AUTS2: variants seen among roughly 807,000 people sequenced by gnomAD.
AUTS2 encodes the protein autism susceptibility gene 2 protein.
In AUTS2, 17 loss-of-function variants were observed where a neutral mutation model predicts 112.4. The observed-to-expected ratio is 0.15, with a 90% CI of 0.10 to 0.23. The LOEUF (loss-of-function observed/expected upper bound fraction) is 0.23. Ranked by LOEUF, AUTS2 falls within the 10% of genes least tolerant of loss-of-function variation. The pLI, the probability that AUTS2 is intolerant of heterozygous loss-of-function variation, is 1.00. For synonymous variants in AUTS2, 751 were observed against 702.7 expected, an observed-to-expected ratio of 1.07 and a Z score of -1.09; for missense variants, 1,510 against 1,701.6, an observed-to-expected ratio of 0.89 and a Z score of 1.98.
At chr7:69,655,832 A>G (rs1795505143) in intron 1 of AUTS2, among the ~76,000 whole-genome samples, 1 of 152,126 alleles carries the variant, frequency 6.6e-6, no homozygotes, top group African/African-American at 2.4e-5. Flanking sequence ...GTAGCTTGTT[A>G]CTAGCCTTTC....
In AUTS2 at chr7:70,790,069, T is replaced by C; in HGVS notation, c.2853T>C (p.Ser951=). 2 of 1,575,826 alleles carry C rather than the reference T, an allele frequency of 1.3e-6. No individual in the cohort carries two copies. Among genetic ancestry groups the C allele is most frequent in the East Asian group, 2.4e-5 (1 of 42,506 alleles). Residue 951 remains serine, a synonymous_variant, in exon 19 of 19, where the codon AGT becomes AGC. Transcript: ENST00000342771. This position sits in a 1 kb window ranked among gnomAD's most constrained non-coding sequence, Gnocchi z 7.6. ...SPYVRTPVVE[S]ARPNSTSSRE... Reference sequence around the variant, plus strand: ...ACGTGCGGACCCCGGTGGTGGAGAGTGCCAGGCCCAACAGCACCTCGAGCC... The same window carrying C: ...ACGTGCGGACCCCGGTGGTGGAGAGCGCCAGGCCCAACAGCACCTCGAGCC...
At chr7:70,548,360 A>G (rs2129517266) in intron 5 of AUTS2, among the ~76,000 whole-genome samples, 1 of 152,216 alleles carries the variant, frequency 6.6e-6, no homozygotes, top group Non-Finnish European at 1.5e-5. Context: ...TCTCCCAGTC[A>G]GTGGCTTGAC....
At chr7:70,196,900 C>G (rs1021944560) in intron 4 of AUTS2, among the ~76,000 whole-genome samples, 1 of 152,142 alleles carries the variant, frequency 6.6e-6, no homozygotes, top group Non-Finnish European at 1.5e-5. Context: ...TTGTTGTTCT[C>G]TCTTAAGAAA....
chr7:70,741,622 C>T (rs1272166807), intron 6 of AUTS2, among the ~76,000 whole-genome samples: 3 of 149,344 alleles, frequency 2.0e-5, no homozygotes, highest in African/African-American at 7.4e-5. Context: ...ACCCGGGAGG[C>T]GGAGGTTGAG....
chr7:69,720,765 T>C (rs1798889406), intron 1 of AUTS2, among the ~76,000 whole-genome samples: 1 of 152,312 alleles, frequency 6.6e-6, no homozygotes, highest in African/African-American at 2.4e-5. Context: ...CAGCTTCTGC[T>C]GTTATTACGG....
At chr7:70,459,225 G>A (rs2131174420) in intron 5 of AUTS2, among the ~76,000 whole-genome samples, 1 of 152,166 alleles carries the variant, frequency 6.6e-6, no homozygotes, top group East Asian at 1.9e-4. Context: ...ACTAGATTCT[G>A]TGGGAACAGA....
At chr7:70,229,033 A>G (rs1811913844) in intron 4 of AUTS2, among the ~76,000 whole-genome samples, 1 of 151,738 alleles carries the variant, frequency 6.6e-6, no homozygotes, top group Non-Finnish European at 1.5e-5. Flanking sequence ...ATATATATTA[A>G]TCTTTCTATA....
chr7:69,723,869 A>T (rs940643517), intron 1 of AUTS2, among the ~76,000 whole-genome samples: 1 of 152,214 alleles, frequency 6.6e-6, no homozygotes, highest in African/African-American at 2.4e-5. Context: ...GAGTAGTCTT[A>T]GTCTGCCTCC....
At chr7:70,474,842 T>C (rs1485188775) in intron 5 of AUTS2, among the ~76,000 whole-genome samples, 1 of 152,224 alleles carries the variant, frequency 6.6e-6, no homozygotes, top group Non-Finnish European at 1.5e-5. Context: ...AAGCACTTTA[T>C]GACGGAAGCT....
At position 70,766,117 on chromosome 7, in the gene AUTS2, A is replaced by G; in HGVS notation, c.1472A>G (p.Gln491Arg). The change falls in exon 9 of 19, where the codon CAA (glutamine) becomes CGA (arginine). Residue 491 changes from glutamine (Q) to arginine (R), a missense_variant. By Grantham distance (43) the Gln-to-Arg change is conservative. Transcript: ENST00000342771. The surrounding 1 kb of genome is among the most constrained non-coding windows in gnomAD (Gnocchi z 4.8). Reference protein sequence around the residue: ...GHPAGSTYSEQDILRQELNTR... With the variant: ...GHPAGSTYSERDILRQELNTR... Reference sequence around the variant, plus strand: ...TCTCCCTCTTCTTCTCTTCCAGAGCAAGACATCTTGCGACAGGAACTGAAC... The same window carrying G: ...TCTCCCTCTTCTTCTCTTCCAGAGCGAGACATCTTGCGACAGGAACTGAAC... The G allele has an allele frequency of 1.9e-6, 3 of 1,612,786 alleles. 1 individual carries two copies. The South Asian group carries it at 3.3e-5, about 18-fold the overall frequency.
At chr7:69,760,580 T>G (rs563577342) in intron 1 of AUTS2, among the ~76,000 whole-genome samples, 1 of 152,084 alleles carries the variant, frequency 6.6e-6, no homozygotes, top group Non-Finnish European at 1.5e-5. Context: ...TCCTAGCACT[T>G]TGGGAGGCCA....
intron 5 of AUTS2, among the ~76,000 whole-genome samples, chr7:70,644,132 C>G (rs1806014674): frequency 6.6e-6 from 1 of 152,110 alleles, no homozygotes; most frequent in Admixed American, 6.6e-5. Flanking sequence ...TTATTGAGTA[C>G]CAGTGTCAAG....
intron 2 of AUTS2, among the ~76,000 whole-genome samples, chr7:69,991,218 G>A (rs1253159788): frequency 6.6e-6 from 1 of 152,216 alleles, no homozygotes; most frequent in African/African-American, 2.4e-5. Context: ...TCACTGCGTA[G>A]TAGTTTATTT....
chr7:70,303,655 T>C (rs1789350305), intron 4 of AUTS2, among the ~76,000 whole-genome samples: 1 of 152,018 alleles, frequency 6.6e-6, no homozygotes, highest in Non-Finnish European at 1.5e-5. Flanking sequence ...CTCCAGAGGG[T>C]GCTATACAAT....
At chr7:70,534,396 ATTTGTTTGTTTGTTTGTTTGTTTG>A (rs59524958) in intron 5 of AUTS2, among the ~76,000 whole-genome samples, 1 of 147,916 alleles carries the variant, frequency 6.8e-6, no homozygotes, top group Non-Finnish European at 1.5e-5. Flanking sequence ...GGGAATATGA[ATTTGTTTGTTTGTTTGTTTGTTTG>A]TTTGTTTGTT....
At chr7:69,814,940 T>G (rs1790694573) in intron 1 of AUTS2, among the ~76,000 whole-genome samples, 1 of 152,248 alleles carries the variant, frequency 6.6e-6, no homozygotes, top group South Asian at 2.1e-4. Flanking sequence ...GGCATTCTTT[T>G]CTTGAGCGAG....
At chr7:69,648,780 T>C (rs1342490071) in intron 1 of AUTS2, among the ~76,000 whole-genome samples, 2 of 152,206 alleles carry the variant, frequency 1.3e-5, no homozygotes, top group African/African-American at 4.8e-5. Context: ...ATTCTTGCCT[T>C]TCTTGTGGGA....
At chr7:70,505,738 G>A (rs781174161) in intron 5 of AUTS2, among the ~76,000 whole-genome samples, 2 of 152,186 alleles carry the variant, frequency 1.3e-5, no homozygotes, top group Non-Finnish European at 2.9e-5. Flanking sequence ...TGCAGCTGGA[G>A]AATTTAAGTC....
intron 4 of AUTS2, among the ~76,000 whole-genome samples, chr7:70,223,479 G>T (rs1811592743): frequency 6.6e-6 from 1 of 152,156 alleles, no homozygotes; most frequent in African/African-American, 2.4e-5. Context: ...CTTCTGTGCT[G>T]ATGCTGGTGT....
Sources: gnomAD v4.1 joint callset for allele counts (sites outside exome capture counted in the v4.1 genomes callset) on GRCh38, gnomAD v4.1.1 for gene constraint, Gnocchi (gnomAD v3.1) non-coding constraint, MANE v1.5 for transcripts, NCBI Gene and HGNC (gene_info 2026-07-23, HGNC 2026-07-21) for gene names.